The following CEP112 variants were observed in gnomAD, a reference collection of about 807,000 sequenced individuals.
CEP112 encodes the protein centrosomal protein 112.
In CEP112, 127 loss-of-function variants were observed where a neutral mutation model predicts 153.0. The ratio of observed to expected loss-of-function variants is 0.83; its 90% CI spans 0.72 to 0.96. CEP112 has a LOEUF of 0.96. CEP112 is among the 40% of genes least tolerant of loss of function. CEP112 has a pLI of 0.00. For missense variants in CEP112, 1,089 were observed against 1,101.2 expected (o/e 0.99, Z 0.16); for synonymous variants, 358 against 374.4 (o/e 0.96, Z 0.51).
intron 24 of CEP112, chr17:65,655,482 C>T: frequency 1.4e-5 from 11 of 787,794 alleles, no homozygotes; most frequent in Non-Finnish European, 2.3e-5. Context: ...CTCTTAGCAG[C>T]TCACAGAATA....
intron 6 of CEP112, among the ~76,000 whole-genome samples, chr17:66,124,132 T>C (rs535390451): frequency 6.6e-6 from 1 of 152,288 alleles, no homozygotes; most frequent in Admixed American, 6.5e-5. Context: ...ACAGTTCAGT[T>C]CTCTAAGACT....
chr17:65,683,750 G>T lies in CEP112; in HGVS notation c.2697+5379C>A, dbSNP rs114910891. ...TGAGCCTCCAAGCCATTTAGTAAAAGAACCAACTTCCAGCTGGGTGCGGTG... is the reference window on the plus strand; with the variant it reads ...TGAGCCTCCAAGCCATTTAGTAAAATAACCAACTTCCAGCTGGGTGCGGTG... On this transcript the variant is annotated intron_variant, in intron 24 of 26. Transcript: ENST00000535342. 8.5e-3 allele frequency among the ~76,000 whole-genome samples: 1,287 copies of T among 152,186 alleles called. 17 individuals are homozygous for T. Among genetic ancestry groups the T allele is most frequent in the African/African-American group, 0.029 (1,207 of 41,552 alleles).
chr17:66,055,054 G>C (rs2066622937), intron 11 of CEP112, among the ~76,000 whole-genome samples: 1 of 152,082 alleles, frequency 6.6e-6, no homozygotes, highest in Non-Finnish European at 1.5e-5. Flanking sequence ...CACCGTGCCT[G>C]GCCCCAAATA....
intron 8 of CEP112, among the ~76,000 whole-genome samples, chr17:66,093,856 T>G (rs1399624063): frequency 2.6e-5 from 4 of 151,970 alleles, no homozygotes; most frequent in Non-Finnish European, 5.9e-5. Context: ...AAAAAGACCC[T>G]GAGTATCCAA....
chr17:65,841,795 T>C (rs1392368506), intron 21 of CEP112, among the ~76,000 whole-genome samples: 2 of 151,998 alleles, frequency 1.3e-5, no homozygotes, highest in Non-Finnish European at 2.9e-5. Context: ...TCAACATAAA[T>C]TTTTTAAAAG....
At chr17:65,668,351 T>C (rs567369860) in intron 24 of CEP112, among the ~76,000 whole-genome samples, 5 of 152,190 alleles carry the variant, frequency 3.3e-5, no homozygotes, top group Non-Finnish European at 7.4e-5. Context: ...CCTCCAGGTA[T>C]GTCAAGCTGT....
chr17:66,100,294 G>A lies in CEP112; in HGVS notation c.643-3662C>T, dbSNP rs570587177. ...GGCAGCCTGTAGTCCCAGCTACTCG[G>A]GAGGCTGAGGCAGGAGAATGGCATG... is the stretch of plus-strand genomic sequence containing the variant. On this transcript the variant is annotated intron_variant, in intron 6 of 26. Coordinates refer to ENST00000535342, the MANE Select transcript of CEP112 (RefSeq NM_001199165.4). Among the ~76,000 whole-genome samples the A allele has an allele frequency of 2.0e-5, 3 of 152,030 alleles. No individual in the cohort carries two copies. The South Asian group carries it at 6.2e-4, about 32-fold the overall frequency.
At chr17:65,823,781 A>G (rs1256332079) in intron 21 of CEP112, among the ~76,000 whole-genome samples, 2 of 152,194 alleles carry the variant, frequency 1.3e-5, no homozygotes, top group East Asian at 3.8e-4. Flanking sequence ...ATAATTAGAA[A>G]ATAGCAGTAA....
intron 21 of CEP112, among the ~76,000 whole-genome samples, chr17:65,787,800 T>C (rs1412306394): frequency 6.6e-6 from 1 of 152,238 alleles, no homozygotes; most frequent in Non-Finnish European, 1.5e-5. Context: ...TTATTTCCAA[T>C]AGTTTACTGA....
intron 24 of CEP112, among the ~76,000 whole-genome samples, chr17:65,681,579 T>C (rs1176432323): frequency 6.6e-6 from 1 of 151,130 alleles, no homozygotes; most frequent in East Asian, 1.9e-4. Flanking sequence ...TTGTCCACTA[T>C]ATACCAGCTT....
chr17:65,769,745 G>A (rs185845316), intron 21 of CEP112, among the ~76,000 whole-genome samples: 304 of 151,934 alleles, frequency 2.0e-3, no homozygotes, highest in African/African-American at 6.9e-3. Context: ...CTTATCTTAC[G>A]CCATACATAA....
At chr17:65,654,022 G>A (rs2143675701) in intron 24 of CEP112, among the ~76,000 whole-genome samples, 1 of 123,474 alleles carries the variant, frequency 8.1e-6, no homozygotes, top group Admixed American at 1.0e-4. Context: ...TTGCGCCACT[G>A]TACTCTAGCC....
chr17:65,673,787 A>C (rs1015018960), intron 24 of CEP112, among the ~76,000 whole-genome samples: 1 of 152,250 alleles, frequency 6.6e-6, no homozygotes. Context: ...TATTGAATAA[A>C]AAATTAAAAG....
chr17:65,708,102 TA>T (rs527981240), intron 23 of CEP112, among the ~76,000 whole-genome samples: 231 of 152,172 alleles, frequency 1.5e-3, no homozygotes, highest in African/African-American at 5.4e-3. Flanking sequence ...ACCAAACATC[TA>T]AAGCTTAAGA....
rs540374411 is a variant in CEP112, at chr17:65,635,688, T to C, written c.*283A>G. The C allele has an allele frequency of 6.7e-5, 31 of 459,620 alleles. No individual in the cohort carries two copies. The Admixed American group carries it at 7.7e-4, about 11-fold the overall frequency. The allele number at this position is 459,620 out of a possible 1,614,324, so 28.5% of individuals were successfully genotyped here. A position where few individuals can be genotyped will look rare whatever the true frequency, so the allele number is the denominator to read the frequency against. On this transcript the variant is annotated 3_prime_UTR_variant, in exon 27 of 27. Coordinates refer to ENST00000535342, the MANE Select transcript of CEP112 (RefSeq NM_001199165.4). ...GCAAAAGGATTAACAAGGCATATCA[T>C]AGGAAATCACTTTGCCCAATATAAG... is the stretch of plus-strand genomic sequence containing the variant.
In CEP112 at chr17:65,913,610, G is replaced by A. The variant is rs576629829; in HGVS notation, c.1981-11276C>T. The A allele has an allele frequency of 1.7e-5, 17 of 985,356 alleles. No homozygotes were observed. The Admixed American group carries it at 3.7e-4, about 21-fold the overall frequency. The allele number at this position is 985,356 out of a possible 1,614,324, so 61.0% of individuals were successfully genotyped here. Reference sequence around the variant, plus strand: ...TCTGTCAATCAACAGTTCAGTTTACGCATGGAAGTTCTCCTTATTTAAAAG... The same window carrying A: ...TCTGTCAATCAACAGTTCAGTTTACACATGGAAGTTCTCCTTATTTAAAAG... On this transcript the variant is annotated intron_variant, in intron 19 of 26. Transcript: ENST00000535342.
At chr17:66,053,287 G>T (rs972957004) in intron 12 of CEP112, among the ~76,000 whole-genome samples, 7 of 150,986 alleles carry the variant, frequency 4.6e-5, no homozygotes, top group Admixed American at 4.0e-4. Flanking sequence ...GGATCACAAG[G>T]TCAGGAGTTC....
At chr17:65,734,182 T>G (rs535265598) in intron 23 of CEP112, among the ~76,000 whole-genome samples, 2 of 152,188 alleles carry the variant, frequency 1.3e-5, no homozygotes, top group Non-Finnish European at 2.9e-5. Flanking sequence ...ATGAACGAGG[T>G]TGGCACGAGT....
chr17:65,643,145 C>A (rs1436328800), intron 24 of CEP112, among the ~76,000 whole-genome samples: 2 of 152,024 alleles, frequency 1.3e-5, no homozygotes, highest in Non-Finnish European at 2.9e-5. Flanking sequence ...CTGAAGGAGT[C>A]CCAAGAGGGG....
Sources: gnomAD v4.1 joint callset for allele counts (sites outside exome capture counted in the v4.1 genomes callset) on GRCh38, gnomAD v4.1.1 for gene constraint, MANE v1.5 for transcripts, NCBI Gene and HGNC (gene_info 2026-07-23, HGNC 2026-07-21) for gene names.